FGGY: variants seen among roughly 807,000 people sequenced by gnomAD.
FGGY encodes the protein FGGY carbohydrate kinase domain-containing protein.
A neutral mutation model predicts 71.3 loss-of-function variants in FGGY; 72 were observed. The observed-to-expected ratio is 1.01, with a 90% confidence interval of 0.84 to 1.23. The LOEUF is 1.23. Among genes scored for constraint, FGGY ranks in the 50% most tolerant of loss-of-function variants. The pLI is 0.00. For synonymous variants in FGGY, 251 were observed against 250.3 expected (o/e 1.00, Z -0.02); for missense variants, 668 against 682.3 (o/e 0.98, Z 0.23).
chr1:59,454,540 TA>T (rs1007804213), intron 5 of FGGY, among the ~76,000 whole-genome samples: 5 of 152,142 alleles, frequency 3.3e-5, no homozygotes, highest in African/African-American at 1.2e-4. Context: ...GTGCCACATG[TA>T]AAAAAATCAT....
chr1:59,471,421 C>A (rs2092935175), intron 6 of FGGY, among the ~76,000 whole-genome samples: 1 of 152,142 alleles, frequency 6.6e-6, no homozygotes. Flanking sequence ...TAGAGGCCAT[C>A]CCTGTGGGTA....
chr1:59,296,721 C>G (rs1352732758), upstream of FGGY: 1 of 150,906 alleles, frequency 6.6e-6, no homozygotes, highest in African/African-American at 2.4e-5. Flanking sequence ...TTACAGGGGC[C>G]GCGCTTTACA....
intron 11 of FGGY, among the ~76,000 whole-genome samples, chr1:59,642,363 A>G (rs1015357233): frequency 6.6e-6 from 1 of 152,262 alleles, no homozygotes; most frequent in Non-Finnish European, 1.5e-5. Context: ...GCGGTGGCTC[A>G]CGCCTGTAAT....
intron 5 of FGGY, among the ~76,000 whole-genome samples, chr1:59,433,030 C>G (rs1203087586): frequency 1.3e-5 from 2 of 152,222 alleles, no homozygotes; most frequent in Admixed American, 6.5e-5. Flanking sequence ...AAGGACATAT[C>G]CAACTGACCT....
intron 5 of FGGY, among the ~76,000 whole-genome samples, chr1:59,420,938 ATGTTTC>A (rs2065299626): frequency 6.6e-6 from 1 of 151,984 alleles, no homozygotes; most frequent in Admixed American, 6.6e-5. Flanking sequence ...GTTTTAGGAC[ATGTTTC>A]TGATAATGCT....
intron 5 of FGGY, among the ~76,000 whole-genome samples, chr1:59,400,359 T>A (rs1437976746): frequency 6.6e-6 from 1 of 152,206 alleles, no homozygotes; most frequent in East Asian, 1.9e-4. Flanking sequence ...TGATTGCTTA[T>A]TGTGACTTAC....
rs1416664854 is a variant in FGGY at position 59,729,594 on chromosome 1, C to T, written c.1513-28337C>T. On this transcript the variant is annotated intron_variant, in intron 14 of 15. Coordinates refer to ENST00000303721, the MANE Select transcript of FGGY (RefSeq NM_018291.5). ...TATTGTCCTTATTTTTTCATCCCCA[C>T]TATTGTCTTTGGCGTCCCTAAGATC... is the stretch of plus-strand genomic sequence containing the variant. Among the ~76,000 whole-genome samples, 3 of 152,186 alleles carry T rather than the reference C, an allele frequency of 2.0e-5. No homozygotes were observed. The East Asian group carries it at 5.8e-4, about 29-fold the overall frequency.
chr1:59,663,692 C>G (rs926628150), intron 12 of FGGY, among the ~76,000 whole-genome samples: 1 of 151,946 alleles, frequency 6.6e-6, no homozygotes, highest in Admixed American at 6.6e-5. Flanking sequence ...TTTCAATAAG[C>G]CTTTTTTGTG....
chr1:59,334,709 T>A (rs78143002), intron 2 of FGGY, among the ~76,000 whole-genome samples: 16,485 of 151,982 alleles, frequency 0.11, 924 homozygotes, highest in Middle Eastern at 0.12. Context: ...AGGAAAAAAA[T>A]AATTATATAT....
Position 59,600,315 on chromosome 1 carries a change from C to A in FGGY, c.904-7488C>A, listed in dbSNP as rs141181200. Among the ~76,000 whole-genome samples, 1,304 of 152,232 alleles carry A rather than the reference C, an allele frequency of 8.6e-3. 11 individuals carry two copies. Among genetic ancestry groups the A allele is most frequent in the Non-Finnish European group, 0.015 (987 of 68,008 alleles). On this transcript the variant is annotated intron_variant, in intron 8 of 15. Transcript: ENST00000303721. ...TGAGACAGAGATACTTCTGACATGT[C>A]AAAAATATAACGTGCCATCCTTCAT...
chr1:59,460,750 G>T (rs1315032073), intron 6 of FGGY, among the ~76,000 whole-genome samples: 2 of 152,200 alleles, frequency 1.3e-5, no homozygotes, highest in Admixed American at 6.5e-5. Context: ...AGTATTTGTT[G>T]TTCTGCAGCC....
intron 14 of FGGY, among the ~76,000 whole-genome samples, chr1:59,707,016 C>A (rs1312062224): frequency 3.9e-5 from 6 of 152,146 alleles, no homozygotes; most frequent in African/African-American, 7.2e-5. Flanking sequence ...CCCTCTCCAA[C>A]TCTGGGGATA....
rs1375687405 is a variant in FGGY, at chr1:59,627,454, T to TTTTATA, written c.1073+1406_1073+1407insTTATAT. Among the ~76,000 whole-genome samples the TTTTATA allele has an allele frequency of 8.2e-5, 8 of 97,332 alleles. No homozygotes were observed. The East Asian group carries it at 1.9e-3, about 23-fold the overall frequency. The allele number at this position is 97,332 out of a possible 152,430, so 63.9% of individuals were successfully genotyped here. ...ATGGTGTCAATATCAACTTATGATT[T>TTTTATA]TATATATATATATATATATATATAT... On this transcript the variant is annotated intron_variant, in intron 10 of 15. Coordinates refer to ENST00000303721, the MANE Select transcript of FGGY (RefSeq NM_018291.5).
At chr1:59,462,958 G>T (rs2092355279) in intron 6 of FGGY, among the ~76,000 whole-genome samples, 1 of 151,910 alleles carries the variant, frequency 6.6e-6, no homozygotes, top group Non-Finnish European at 1.5e-5. Flanking sequence ...CCATTACTGG[G>T]TATATACCCA....
At chr1:59,372,415 T>C (rs1312400194) in intron 4 of FGGY, among the ~76,000 whole-genome samples, 1 of 152,148 alleles carries the variant, frequency 6.6e-6, no homozygotes, top group African/African-American at 2.4e-5. Flanking sequence ...TGGCAATAAT[T>C]AATAGCTTAC....
chr1:59,662,764 C>G (rs2097289149), intron 12 of FGGY, among the ~76,000 whole-genome samples: 1 of 152,070 alleles, frequency 6.6e-6, no homozygotes, highest in South Asian at 2.1e-4. Flanking sequence ...CTATATATAG[C>G]CTAGGTATGT....
At chr1:59,648,154 G>C (rs1273580435) in intron 11 of FGGY, among the ~76,000 whole-genome samples, 4 of 116,932 alleles carry the variant, frequency 3.4e-5, no homozygotes, top group African/African-American at 1.2e-4. Context: ...ATCATTGTTG[G>C]ACATTTGGGT....
chr1:59,395,488 T>G (rs1571565984), intron 5 of FGGY, among the ~76,000 whole-genome samples: 1 of 152,204 alleles, frequency 6.6e-6, no homozygotes, highest in Non-Finnish European at 1.5e-5. Flanking sequence ...TTAAGTTGTA[T>G]CTTCTTTGCT....
At chr1:59,751,264 T>C (rs1428946210) in intron 14 of FGGY, among the ~76,000 whole-genome samples, 3 of 129,580 alleles carry the variant, frequency 2.3e-5, no homozygotes, top group South Asian at 5.5e-4. Flanking sequence ...AAAGATCATG[T>C]ACTTAAAATA....
Sources: gnomAD v4.1 joint callset for allele counts (sites outside exome capture counted in the v4.1 genomes callset) on GRCh38, gnomAD v4.1.1 for gene constraint, MANE v1.5 for transcripts, NCBI Gene and HGNC (gene_info 2026-07-23, HGNC 2026-07-21) for gene names.